The following PTK2B variants were observed in gnomAD, a reference collection of about 807,000 sequenced individuals.
PTK2B encodes protein tyrosine kinase 2 beta, also known as protein-tyrosine kinase 2-beta.
In PTK2B, 71 loss-of-function variants were observed where a neutral mutation model predicts 142.9. The observed-to-expected ratio is 0.50, with a 90% confidence interval of 0.41 to 0.61. PTK2B has a LOEUF of 0.61. Among genes scored for constraint, PTK2B ranks in the 20% least tolerant of loss-of-function variants. The probability of loss-of-function intolerance (pLI) is 0.00; values close to 1 mark genes in which losing one functional copy is unlikely to be tolerated. For synonymous variants in PTK2B, 519 were observed against 503.4 expected, an observed-to-expected ratio of 1.03 and a Z score of -0.42; for missense variants, 1,105 against 1,320.4, an observed-to-expected ratio of 0.84 and a Z score of 2.53.
intron 4 of PTK2B, 152 bp from the exon 5 acceptor site, chr8:27,422,152 G>A (rs145003569): frequency 1.9e-5 from 12 of 633,308 alleles, no homozygotes; most frequent in African/African-American, 3.8e-5. Flanking sequence ...CTTTCCCCTC[G>A]TGCTCTCCAT....
At chr8:27,380,993 A>G (rs1340253719) in intron 1 of PTK2B, among the ~76,000 whole-genome samples, 2 of 152,320 alleles carry the variant, frequency 1.3e-5, no homozygotes, top group South Asian at 4.1e-4. Flanking sequence ...ACTGTACCTA[A>G]GTATGCTGTA....
intron 1 of PTK2B, among the ~76,000 whole-genome samples, chr8:27,345,689 C>T (rs913732034): frequency 2.0e-5 from 3 of 152,196 alleles, no homozygotes; most frequent in African/African-American, 7.2e-5. Context: ...TCTATGCTGA[C>T]TTTCTGATCA....
chr8:27,424,200 A>G (rs1028737441), intron 5 of PTK2B, among the ~76,000 whole-genome samples: 1 of 152,116 alleles, frequency 6.6e-6, no homozygotes, highest in Non-Finnish European at 1.5e-5. Context: ...ATCACTTGTC[A>G]CCTGTCAAGC....
At chr8:27,422,444 C>A in intron 5 of PTK2B, 61 bp downstream of exon 5, 1 of 1,401,722 alleles carries the variant, frequency 7.1e-7, no homozygotes, top group Non-Finnish European at 9.6e-7. Context: ...CAGGCCCGAC[C>A]TTTCCCCATG....
At chr8:27,407,902 G>A (rs866165122) in intron 2 of PTK2B, among the ~76,000 whole-genome samples, 1 of 152,240 alleles carries the variant, frequency 6.6e-6, no homozygotes, top group South Asian at 2.1e-4. Context: ...CCCACATAAA[G>A]CCAGTCAGTT....
chr8:27,430,997 C>A lies in PTK2B; in HGVS notation c.791C>A (p.Thr264Asn), dbSNP rs61738530. 6,781 of 1,614,046 alleles carry A rather than the reference C, an allele frequency of 4.2e-3. 21 individuals are homozygous for A. Among genetic ancestry groups the A allele is most frequent in the Admixed American group, 5.2e-3 (312 of 60,016 alleles). ...GGCTTCGCCAACATCGACCAGGAGA[C>A]CTACCGCTGTGAACTCATTGTAATG... ...LAGFANIDQE[T>N]YRCELIQGWN... The change falls in exon 8 of 31, where the codon ACC becomes AAC. Residue 264 changes from threonine (T) to asparagine (N), a missense_variant. Coordinates refer to ENST00000346049, the MANE Select transcript of PTK2B (RefSeq NM_173176.3).
rs58485965 is a variant in PTK2B at position 27,378,601 on chromosome 8, C to CTGTGTG, written c.-37-18903_-37-18898dup. On this transcript the variant is annotated intron_variant, in intron 1 of 30. Transcript: ENST00000346049. ...AAGAGTATAAAATCTTACAGCTTAT[C>CTGTGTG]TGTGTGTGTGTGTGTGTGTGTGTGT... is the stretch of plus-strand genomic sequence containing the variant. Among the ~76,000 whole-genome samples the CTGTGTG allele has an allele frequency of 1.9e-3, 275 of 148,264 alleles. 1 individual carries two copies. The highest frequency in any genetic ancestry group is 2.7e-3 in the Non-Finnish European group (179 of 67,126).
At chr8:27,389,278 AAGG>A (rs1198732243) in intron 1 of PTK2B, among the ~76,000 whole-genome samples, 1 of 152,084 alleles carries the variant, frequency 6.6e-6, no homozygotes, top group Non-Finnish European at 1.5e-5. Context: ...GGAAAGAAGA[AAGG>A]AGGGAGGGAG....
chr8:27,432,488 G>A (rs1008352097), intron 10 of PTK2B, 127 bp downstream of exon 10: 26 of 816,374 alleles, frequency 3.2e-5, no homozygotes, highest in South Asian at 1.1e-4. Flanking sequence ...TTTGGGGATC[G>A]TGTTAAGAAA....
chr8:27,354,393 G>A (rs2322599), intron 1 of PTK2B, among the ~76,000 whole-genome samples: 57,917 of 151,768 alleles, frequency 0.38, 11,418 homozygotes, highest in South Asian at 0.52. Context: ...GTGATGAGCC[G>A]TCTCCACTAG....
At chr8:27,319,272 T>C (rs1285907505) in intron 3 of PTK2B, among the ~76,000 whole-genome samples, 1 of 150,164 alleles carries the variant, frequency 6.7e-6, no homozygotes, top group Non-Finnish European at 1.5e-5. Context: ...CTCTCCCCTC[T>C]ACAGATTTTT....
intron 24 of PTK2B, among the ~76,000 whole-genome samples, chr8:27,449,089 A>G (rs578065795): frequency 3.3e-5 from 5 of 152,200 alleles, no homozygotes; most frequent in Non-Finnish European, 5.9e-5. Flanking sequence ...GCATCGTACA[A>G]TGCACAGGAA....
chr8:27,344,228 A>G lies in PTK2B; in HGVS notation c.-38+18547A>G, dbSNP rs532599447. Among the ~76,000 whole-genome samples the G allele has an allele frequency of 1.1e-4, 17 of 152,140 alleles. No individual in the cohort carries two copies. In the East Asian group the frequency reaches 3.1e-3, roughly 28 times the overall value. On this transcript the variant is annotated intron_variant, in intron 1 of 30. Coordinates refer to ENST00000346049, the MANE Select transcript of PTK2B (RefSeq NM_173176.3). ...CCAGCATGAGGTTGGAACTGATATT[A>G]TTGCTCTTTTAAATTTGGAGCAATA...
chr8:27,392,580 C>A (rs942791351), intron 1 of PTK2B, among the ~76,000 whole-genome samples: 5 of 152,090 alleles, frequency 3.3e-5, no homozygotes, highest in African/African-American at 1.2e-4. Flanking sequence ...AAGTTACTTG[C>A]ACAAGATTTT....
At chr8:27,350,416 A>G (rs1398024807) in intron 1 of PTK2B, among the ~76,000 whole-genome samples, 1 of 152,178 alleles carries the variant, frequency 6.6e-6, no homozygotes, top group Non-Finnish European at 1.5e-5. Context: ...ATAACAGAGC[A>G]TCTCAGCAGA....
rs751477357 is a variant in PTK2B, at chr8:27,436,356, C to T, written c.1341+8C>T. The T allele has an allele frequency of 1.2e-6, 2 of 1,600,232 alleles. No individual in the cohort carries two copies. Among genetic ancestry groups the T allele is most frequent in the African/African-American group, 2.7e-5 (2 of 74,596 alleles). On this transcript the variant is annotated splice_region_variant and intron_variant, in intron 15 of 30. Transcript: ENST00000346049. ...GGTGTCTACACAAATCACGTGAGTT[C>T]TAGGATCTTCCCTTACACTCCTCTT... is the stretch of plus-strand genomic sequence containing the variant.
At chr8:27,454,412 A>G in intron 29 of PTK2B, 119 bp from the exon 30 acceptor site, 1 of 1,545,396 alleles carries the variant, frequency 6.5e-7, no homozygotes, top group South Asian at 1.1e-5. Flanking sequence ...GGCCAGGGGA[A>G]TTGAGTCCCA....
intron 5 of PTK2B, among the ~76,000 whole-genome samples, chr8:27,426,655 T>C (rs904820070): frequency 5.3e-5 from 8 of 152,196 alleles, no homozygotes; most frequent in African/African-American, 1.7e-4. Context: ...ATCTGAGTGA[T>C]TGGACAGTTT....
intron 2 of PTK2B, among the ~76,000 whole-genome samples, chr8:27,408,717 G>A (rs1008459465): frequency 1.3e-5 from 2 of 152,122 alleles, no homozygotes; most frequent in African/African-American, 2.4e-5. Flanking sequence ...TCTCATAACC[G>A]TATACCAATT....
Sources: gnomAD v4.1 joint callset for allele counts (sites outside exome capture counted in the v4.1 genomes callset) on GRCh38, gnomAD v4.1.1 for gene constraint, MANE v1.5 for transcripts, NCBI Gene and HGNC (gene_info 2026-07-23, HGNC 2026-07-21) for gene names.